The following TAF4 variants were observed in gnomAD, a reference collection of about 807,000 sequenced individuals.
TAF4 encodes the protein TATA-box binding protein associated factor 4, also known as transcription initiation factor TFIID subunit 4.
In TAF4, 9 loss-of-function variants were observed where a neutral mutation model predicts 90.3. The observed-to-expected ratio is 0.10, with a 90% CI of 0.06 to 0.17. The LOEUF (loss-of-function observed/expected upper bound fraction) is 0.17. Among genes scored for constraint, TAF4 ranks in the 10% least tolerant of loss-of-function variants. The probability of loss-of-function intolerance (pLI) is 1.00; values close to 1 mark genes in which losing one functional copy is unlikely to be tolerated. For missense variants in TAF4, 1,351 were observed against 1,370.7 expected, an observed-to-expected ratio of 0.99 and a Z score of 0.23; for synonymous variants, 818 against 638.9, an observed-to-expected ratio of 1.28 and a Z score of -4.23.
chr20:62,003,309 G>A (rs763472417), intron 8 of TAF4, 35 bp from the exon 9 acceptor site: 4 of 1,526,994 alleles, frequency 2.6e-6, no homozygotes, highest in African/African-American at 2.7e-5. Context: ...ACCACACAAG[G>A]CTTTTATTAG....
At chr20:62,019,387 T>A in intron 1 of TAF4, among the ~76,000 whole-genome samples, 1 of 152,366 alleles carries the variant, frequency 6.6e-6, no homozygotes, top group South Asian at 2.1e-4. Context: ...AACGTAACTG[T>A]CCGTGGCTAC....
intron 1 of TAF4, 129 bp downstream of exon 1, chr20:62,064,322 C>G: frequency 8.8e-7 from 1 of 1,132,424 alleles, no homozygotes; most frequent in Non-Finnish European, 1.1e-6. Context: ...GAGACTGCCC[C>G]TCGGCCTGCT....
intron 14 of TAF4, among the ~76,000 whole-genome samples, chr20:61,983,659 T>C (rs545622877): frequency 6.6e-6 from 1 of 152,228 alleles, no homozygotes; most frequent in Non-Finnish European, 1.5e-5. Context: ...TGAAACCATG[T>C]CTCAAAAGAT....
chr20:62,048,952 G>A (rs1956822512), intron 1 of TAF4, among the ~76,000 whole-genome samples: 1 of 101,068 alleles, frequency 9.9e-6, no homozygotes, highest in South Asian at 3.4e-4. Context: ...CCCTCTCCCT[G>A]CATGCCCACC....
intron 11 of TAF4, 130 bp downstream of exon 11, chr20:61,999,994 A>C: frequency 8.9e-7 from 1 of 1,127,428 alleles, no homozygotes; most frequent in Admixed American, 2.1e-5. Flanking sequence ...AATCCAAAAC[A>C]CGTTCGTAAG....
chr20:62,024,957 A>G lies in TAF4; in HGVS notation c.1361-10250T>C, dbSNP rs570527712. On this transcript the variant is annotated intron_variant, in intron 1 of 14. Transcript: ENST00000252996. ...ATGAGCACACGGAGAGAGCCCCAAC[A>G]TCATTAGTCATTAGGGAGACATAAA... Among the ~76,000 whole-genome samples the G allele has an allele frequency of 1.1e-4, 16 of 152,332 alleles. No homozygotes were observed. In the South Asian group the frequency reaches 3.1e-3, roughly 30 times the overall value.
chr20:62,028,744 C>G (rs1332410524), intron 1 of TAF4, among the ~76,000 whole-genome samples: 1 of 152,190 alleles, frequency 6.6e-6, no homozygotes, highest in Non-Finnish European at 1.5e-5. Flanking sequence ...TCCACCTGAC[C>G]TCCAACACAG....
intron 1 of TAF4, among the ~76,000 whole-genome samples, chr20:62,060,788 G>A (rs1272308529): frequency 6.6e-6 from 1 of 152,130 alleles, no homozygotes; most frequent in East Asian, 1.9e-4. Context: ...GGCAACCACC[G>A]CCCCAGGGTG....
chr20:61,978,652 C>T (rs1389518405), intron 14 of TAF4, among the ~76,000 whole-genome samples: 4 of 149,450 alleles, frequency 2.7e-5, no homozygotes, highest in Admixed American at 6.6e-5. Context: ...AGGCCGAGGG[C>T]GAGACCAACC....
chr20:62,044,927 G>C (rs1184526031), intron 1 of TAF4, among the ~76,000 whole-genome samples: 2 of 152,330 alleles, frequency 1.3e-5, no homozygotes, highest in African/African-American at 4.8e-5. Context: ...ACAGGATGGA[G>C]CGAAGGCCAG....
chr20:62,060,203 G>A (rs1199573031), intron 1 of TAF4, among the ~76,000 whole-genome samples: 1 of 152,236 alleles, frequency 6.6e-6, no homozygotes, highest in Non-Finnish European at 1.5e-5. Flanking sequence ...CAACTTCCCA[G>A]GCGCCCGGGG....
chr20:61,992,137 C>T (rs549457024), intron 14 of TAF4, among the ~76,000 whole-genome samples: 7 of 152,288 alleles, frequency 4.6e-5, no homozygotes, highest in Admixed American at 3.9e-4. Flanking sequence ...AAAATGACTA[C>T]AGAGACACAA....
intron 1 of TAF4, among the ~76,000 whole-genome samples, chr20:62,057,462 G>C (rs2056071157): frequency 6.6e-6 from 1 of 152,218 alleles, no homozygotes; most frequent in East Asian, 1.9e-4. Flanking sequence ...TGACTATTCG[G>C]AAATGGTCCC....
chr20:62,028,417 C>T (rs1028838577), intron 1 of TAF4, among the ~76,000 whole-genome samples: 1 of 151,952 alleles, frequency 6.6e-6, no homozygotes, highest in Non-Finnish European at 1.5e-5. Context: ...TTTTTTTCAA[C>T]CAAGCAAGGA....
chr20:62,056,176 G>A (rs966226900), intron 1 of TAF4, among the ~76,000 whole-genome samples: 1 of 152,208 alleles, frequency 6.6e-6, no homozygotes, highest in African/African-American at 2.4e-5. Flanking sequence ...GGCGGAGGTT[G>A]CAGTAAGCTG....
intron 13 of TAF4, 73 bp from the exon 14 acceptor site, chr20:61,997,742 G>C (rs751559577): frequency 3.4e-6 from 5 of 1,477,272 alleles, no homozygotes; most frequent in Non-Finnish European, 4.5e-6. Flanking sequence ...GTAATACATA[G>C]ATATGAAAGG....
chr20:62,018,039 TGGAGAA>T (rs2055822376), intron 1 of TAF4, among the ~76,000 whole-genome samples: 1 of 152,090 alleles, frequency 6.6e-6, no homozygotes, highest in Non-Finnish European at 1.5e-5. Flanking sequence ...TCAGGAAAGT[TGGAGAA>T]GGAATCAAAC....
chr20:62,001,025 T>TG (rs1335496324), intron 9 of TAF4, among the ~76,000 whole-genome samples: 1 of 152,200 alleles, frequency 6.6e-6, no homozygotes, highest in Non-Finnish European at 1.5e-5. Flanking sequence ...CGGGGACTTG[T>TG]GGGGGTCTGA....
intron 1 of TAF4, among the ~76,000 whole-genome samples, chr20:62,053,345 A>G (rs73915546): frequency 0.03 from 4,531 of 152,236 alleles, 170 homozygotes; most frequent in African/African-American, 0.089. Flanking sequence ...GAGGACCAGG[A>G]CCGCCCTCGC....
Sources: allele counts gnomAD v4.1 joint callset (sites outside exome capture counted in the v4.1 genomes callset), GRCh38; gene constraint gnomAD v4.1.1; transcripts MANE v1.5; gene names NCBI Gene and HGNC (gene_info 2026-07-23, HGNC 2026-07-21).